CAPN15: variants seen among roughly 807,000 people sequenced by gnomAD.
CAPN15 encodes calpain 15, also known as calpain-15.
In CAPN15, 53 loss-of-function variants were observed where a neutral mutation model predicts 97.9. The ratio of observed to expected loss-of-function variants is 0.54; its 90% CI spans 0.43 to 0.68. CAPN15 has a LOEUF of 0.68. Among genes scored for constraint, CAPN15 ranks in the 30% least tolerant of loss-of-function variants. The probability of loss-of-function intolerance (pLI) is 0.00; values close to 1 mark genes in which losing one functional copy is unlikely to be tolerated. For missense variants in CAPN15, 1,592 were observed against 1,589.8 expected (o/e 1.00, Z -0.02); for synonymous variants, 922 against 722.5 (o/e 1.28, Z -4.43).
chr16:544,154 G>A (rs1404729086), intron 3 of CAPN15, among the ~76,000 whole-genome samples: 2 of 152,176 alleles, frequency 1.3e-5, no homozygotes, highest in African/African-American at 2.4e-5. Context: ...GGCCAGACCA[G>A]GAGACTGCAG....
At position 549,703 on chromosome 16, in the gene CAPN15, C is replaced by T; in HGVS notation, c.1931C>T (p.Ala644Val). The T allele has an allele frequency of 6.4e-7, 1 of 1,565,924 alleles. No individual in the cohort carries two copies. Among genetic ancestry groups the T allele is most frequent in the East Asian group, 2.4e-5 (1 of 41,756 alleles). Residue 644 changes from alanine to valine, a missense_variant, in exon 7 of 14, where the codon GCC becomes GTC. By Grantham distance (64) the Ala-to-Val change is moderately conservative. Transcript: ENST00000219611. Reference sequence around the variant, plus strand: ...TACTTTGCGCTCCAGGCGGGCCGCGCCATCGAAGGCCTGGCCACGCTCACC... The same window carrying T: ...TACTTTGCGCTCCAGGCGGGCCGCGTCATCGAAGGCCTGGCCACGCTCACC... ...GSYFALQAGRAIEGLATLTGA... is the reference protein window; with the variant it reads ...GSYFALQAGRVIEGLATLTGA...
Position 553,057 on chromosome 16 carries a change from TGCCCCC to T in CAPN15, c.3083+17_3083+22del, listed in dbSNP as rs1567162513. The T allele has an allele frequency of 2.2e-6, 2 of 929,910 alleles. No homozygotes were observed. Among genetic ancestry groups the T allele is most frequent in the Admixed American group, 8.5e-5 (2 of 23,598 alleles). 57.6% of individuals were successfully genotyped at this position (929,910 alleles called of 1,614,324 possible). A position where few individuals can be genotyped will look rare whatever the true frequency, so the allele number is the denominator to read the frequency against. ...CCCTGCACAGGTGCGCCCCCGCCCC[TGCCCCC>T]CCACCCCTGCACAGGTGCCCCCTCC... On this transcript the variant is annotated intron_variant, in intron 13 of 13. Transcript: ENST00000219611.
In CAPN15 at chr16:546,927, G is replaced by T. The variant is rs778703576; in HGVS notation, c.89G>T (p.Arg30Leu). Residue 30 changes from arginine (R) to leucine (L), a missense_variant, in exon 4 of 14, where the codon CGG (arginine) becomes CTG (leucine). Arg to Leu is a moderately radical substitution (Grantham distance 102). Coordinates refer to ENST00000219611, the MANE Select transcript of CAPN15 (RefSeq NM_005632.3). ...QRQCSICEAP[R>L]HKPDLNHILR... The stretch of plus-strand genomic sequence containing the variant: ...CAGTGCTCCATCTGCGAGGCTCCCC[G>T]GCACAAGCCCGACCTCAACCACATC... 6.2e-7 allele frequency: 1 copy of T among 1,610,922 alleles called. No individual in the cohort carries two copies. The highest frequency in any genetic ancestry group is 8.5e-7 in the Non-Finnish European group (1 of 1,179,882).
chr16:536,243 C>A, intron 3 of CAPN15, 101 bp downstream of exon 3: 1 of 239,930 alleles, frequency 4.2e-6, no homozygotes, highest in South Asian at 1.5e-4. Flanking sequence ...GAGGTCTGGC[C>A]GGAGCCAGCA....
chr16:534,925 G>C (rs568509639), intron 2 of CAPN15, among the ~76,000 whole-genome samples: 1 of 152,322 alleles, frequency 6.6e-6, no homozygotes, highest in South Asian at 2.1e-4. Context: ...AGCAGGTGCT[G>C]TGTGAGTGGG....
At chr16:548,898 G>A in intron 4 of CAPN15, 95 bp from the exon 5 acceptor site, 1 of 1,152,238 alleles carries the variant, frequency 8.7e-7, no homozygotes, top group Non-Finnish European at 1.3e-6. Flanking sequence ...GGCTCAGGCA[G>A]TGCTTTTGGG....
intron 3 of CAPN15, among the ~76,000 whole-genome samples, chr16:541,855 C>A (rs13336503): frequency 6.7e-6 from 1 of 148,450 alleles, no homozygotes; most frequent in African/African-American, 2.6e-5. Context: ...GGCCACAGGA[C>A]GTGGCTGGCT....
At chr16:550,476 G>A (rs1315680331) in intron 7 of CAPN15, among the ~76,000 whole-genome samples, 1 of 152,252 alleles carries the variant, frequency 6.6e-6, no homozygotes, top group Non-Finnish European at 1.5e-5. Context: ...ACAGGCAGGA[G>A]TGGGCCCTTC....
rs1380429862 is a variant in CAPN15 at position 547,084 on chromosome 16, C to T, written c.246C>T (p.Val82=). Reference sequence around the variant, plus strand: ...CGCCTGGGGCTGCCTTCCTGCCAGTCCTCAACGGGGTCCTCCCCAAGCCAC... The same window carrying T: ...CGCCTGGGGCTGCCTTCCTGCCAGTTCTCAACGGGGTCCTCCCCAAGCCAC... The part of the protein sequence containing the change: ...EPAPGAAFLP[V]LNGVLPKPPA... Residue 82 remains valine, a synonymous_variant, in exon 4 of 14, where the codon GTC becomes GTT. Coordinates refer to ENST00000219611, the MANE Select transcript of CAPN15 (RefSeq NM_005632.3). 1 of 1,594,834 alleles carries T rather than the reference C, an allele frequency of 6.3e-7. No homozygotes were observed. The highest frequency in any genetic ancestry group is 1.1e-5 in the South Asian group (1 of 89,148).
At position 553,062 on chromosome 16, in the gene CAPN15, C is replaced by A. The variant is rs1281856621; in HGVS notation, c.3083+21C>A. On this transcript the variant is annotated intron_variant, in intron 13 of 13. Transcript: ENST00000219611. ...CACAGGTGCGCCCCCGCCCCTGCCC[C>A]CCCACCCCTGCACAGGTGCCCCCTC... 4 of 1,202,254 alleles carry A rather than the reference C, an allele frequency of 3.3e-6. No homozygotes were observed. The African/African-American group carries it at 4.9e-5, about 15-fold the overall frequency. The allele number at this position is 1,202,254 out of a possible 1,614,324, so 74.5% of individuals were successfully genotyped here. A position where few individuals can be genotyped will look rare whatever the true frequency, so the allele number is the denominator to read the frequency against.
At position 552,801 on chromosome 16, in the gene CAPN15, T is replaced by TGGGGGGGGG; in HGVS notation, c.2904+34_2904+35insGGGGGGGGG. On this transcript the variant is annotated intron_variant, in intron 12 of 13. Transcript: ENST00000219611. The surrounding 1 kb of genome is among the most constrained non-coding windows in gnomAD (Gnocchi z 6.4). ...GTGGGGGTCCCGGGGGAGGGTGGCG[T>TGGGGGGGGG]GGGGCAGGGGGAGTATGCCCCAGCA... 2 of 1,504,502 alleles carry TGGGGGGGGG rather than the reference T, an allele frequency of 1.3e-6. No individual in the cohort carries two copies. The highest frequency in any genetic ancestry group is 8.9e-7 in the Non-Finnish European group (1 of 1,119,142). The allele number at this position is 1,504,502 out of a possible 1,614,324, so 93.2% of individuals were successfully genotyped here. A position where few individuals can be genotyped will look rare whatever the true frequency, so the allele number is the denominator to read the frequency against.
chr16:547,646 G>C lies in CAPN15; in HGVS notation c.808G>C (p.Gly270Arg). Residue 270 changes from glycine to arginine, a missense_variant, in exon 4 of 14, where the codon GGC becomes CGC. By Grantham distance (125) the Gly-to-Arg change is moderately radical. Around this residue, in one of 3 missense-constraint regions of CAPN15, gnomAD observed 883 missense variants for 776.6 expected, o/e 1.14. Coordinates refer to ENST00000219611, the MANE Select transcript of CAPN15 (RefSeq NM_005632.3). ...PEAAQPSPSA[G>R]CRGAPQGSGW... is the part of the protein sequence containing the mutation. ...GGCTGCCCAGCCGTCACCCTCTGCC[G>C]GCTGCAGGGGAGCCCCCCAGGGCTC... 6.4e-7 allele frequency: 1 copy of C among 1,569,750 alleles called. No individual in the cohort carries two copies. Among genetic ancestry groups the C allele is most frequent in the Non-Finnish European group, 8.6e-7 (1 of 1,158,394 alleles).
Position 546,825 on chromosome 16 carries a change from A to T in CAPN15, c.-14A>T. ...AGCACCTTCCCTTGCAGCCACACCC[A>T]CTCGCCCGGGTCTATGGCCACGGTC... On this transcript the variant is annotated 5_prime_UTR_variant, in exon 4 of 14. Coordinates refer to ENST00000219611, the MANE Select transcript of CAPN15 (RefSeq NM_005632.3). 1 of 1,587,516 alleles carries T rather than the reference A, an allele frequency of 6.3e-7. No homozygotes were observed. Among genetic ancestry groups the T allele is most frequent in the Non-Finnish European group, 8.6e-7 (1 of 1,164,328 alleles).
chr16:551,736 G>T (rs1462470712), intron 9 of CAPN15, 72 bp downstream of exon 9: 6 of 1,562,084 alleles, frequency 3.8e-6, no homozygotes, highest in African/African-American at 1.4e-5. Context: ...TGGAGAACAA[G>T]CCTGTCCCTC....
In CAPN15 at chr16:552,035, C is replaced by A; in HGVS notation, c.2346-16C>A. 1 of 1,546,914 alleles carries A rather than the reference C, an allele frequency of 6.5e-7. No homozygotes were observed. The highest frequency in any genetic ancestry group is 1.2e-5 in the South Asian group (1 of 83,840). On this transcript the variant is annotated splice_polypyrimidine_tract_variant and intron_variant, in intron 9 of 13. Transcript: ENST00000219611. This position sits in a 1 kb window ranked among gnomAD's most constrained non-coding sequence, Gnocchi z 6.4. ...GCCGTGGTAGGCTCAGGGCCCCGTC[C>A]TCCCGCCACCTGCAGGTACTTCGAC... is the stretch of plus-strand genomic sequence containing the variant.
rs2033197928 is a variant in CAPN15, at chr16:530,843, G to A, written c.-190+2814G>A. The stretch of plus-strand genomic sequence containing the variant: ...TGCACACTCTGAGGGGCCTGCCTGA[G>A]TGCTGCATGGGAAGCCAGCAGTGTG... On this transcript the variant is annotated intron_variant, in intron 1 of 13. Transcript: ENST00000219611. 2.0e-5 allele frequency among the ~76,000 whole-genome samples: 3 copies of A among 152,240 alleles called. No homozygotes were observed. In the South Asian group the frequency reaches 6.2e-4, roughly 31 times the overall value.
intron 3 of CAPN15, among the ~76,000 whole-genome samples, chr16:542,281 A>G (rs905744408): frequency 1.3e-5 from 2 of 150,266 alleles, no homozygotes; most frequent in South Asian, 4.2e-4. Flanking sequence ...GTTTTCATTT[A>G]TCTTGCATAG....
chr16:544,274 C>T (rs1342399077), intron 3 of CAPN15, among the ~76,000 whole-genome samples: 1 of 151,998 alleles, frequency 6.6e-6, no homozygotes, highest in Admixed American at 6.5e-5. Context: ...AGTCTGGCAC[C>T]CCGGTGTGCC....
At chr16:534,202 G>C (rs2033501375) in intron 2 of CAPN15, among the ~76,000 whole-genome samples, 1 of 152,294 alleles carries the variant, frequency 6.6e-6, no homozygotes, top group East Asian at 1.9e-4. Flanking sequence ...GTCGTGGGAG[G>C]CGACGGTGAG....
Sources: allele counts gnomAD v4.1 joint callset (sites outside exome capture counted in the v4.1 genomes callset), GRCh38; gene constraint gnomAD v4.1.1; regional missense constraint gnomAD v4.1.1; non-coding constraint Gnocchi (gnomAD v3.1); transcripts MANE v1.5; gene names NCBI Gene and HGNC (gene_info 2026-07-23, HGNC 2026-07-21).